Variants in PROM1 observed in about 807,000 individuals in gnomAD.
The protein encoded by PROM1 is prominin-1.
PROM1 carries 105 observed loss-of-function variants against 116.9 expected under a neutral mutation model. The observed-to-expected ratio is 0.90, with a 90% CI of 0.77 to 1.06. The LOEUF (loss-of-function observed/expected upper bound fraction) is 1.06, where lower values mean the gene tolerates loss of function less well. PROM1 is among the 50% of genes least tolerant of loss of function. PROM1 has a pLI of 0.00. For missense variants in PROM1, 1,122 were observed against 1,045.2 expected (o/e 1.07, Z -1.01); for synonymous variants, 393 against 387.0 (o/e 1.02, Z -0.18).
intron 2 of PROM1, among the ~76,000 whole-genome samples, chr4:16,050,143 C>T (rs781264488): frequency 4.0e-5 from 6 of 151,852 alleles, no homozygotes; most frequent in Non-Finnish European, 7.4e-5. Context: ...CACCTATAAT[C>T]CCAGCTACTC....
chr4:16,042,094 G>T (rs564290145), intron 2 of PROM1, among the ~76,000 whole-genome samples: 36 of 152,216 alleles, frequency 2.4e-4, no homozygotes, highest in Admixed American at 1.2e-3. Flanking sequence ...GGTTACAGGC[G>T]TGAGCCACCG....
At chr4:15,995,958 T>C in intron 15 of PROM1, among the ~76,000 whole-genome samples, 1 of 152,266 alleles carries the variant, frequency 6.6e-6, no homozygotes, top group Non-Finnish European at 1.5e-5. Context: ...GGTATACCGT[T>C]ACCACAGGTG....
chr4:16,013,621 T>G (rs1350740204), intron 10 of PROM1, among the ~76,000 whole-genome samples: 1 of 152,184 alleles, frequency 6.6e-6, no homozygotes. Flanking sequence ...TAGGTACTAT[T>G]ATGGGTACAT....
At chr4:16,054,396 T>C (rs187796636) in intron 2 of PROM1, among the ~76,000 whole-genome samples, 312 of 152,272 alleles carry the variant, frequency 2.0e-3, no homozygotes, top group Non-Finnish European at 3.2e-3. Context: ...CAAACACATA[T>C]CTTGATTTGT....
At chr4:15,995,326 G>A (rs1460870660) in intron 15 of PROM1, among the ~76,000 whole-genome samples, 6 of 86,184 alleles carry the variant, frequency 7.0e-5, no homozygotes, top group African/African-American at 2.2e-4. Context: ...AAAAGAAGAA[G>A]AAGACGAAGA....
intron 19 of PROM1, among the ~76,000 whole-genome samples, chr4:15,988,418 T>C (rs1016836113): frequency 7.5e-4 from 114 of 152,378 alleles, no homozygotes; most frequent in African/African-American, 2.5e-3. Flanking sequence ...GTAAACACTT[T>C]AGGTTTTATC....
intron 2 of PROM1, among the ~76,000 whole-genome samples, chr4:16,067,307 C>A (rs142647440): frequency 6.6e-6 from 1 of 152,134 alleles, no homozygotes; most frequent in African/African-American, 2.4e-5. Context: ...TCCTCATCAG[C>A]GAAAGAAAAG....
intron 2 of PROM1, among the ~76,000 whole-genome samples, chr4:16,051,210 A>G (rs551454616): frequency 7.1e-4 from 108 of 152,372 alleles, no homozygotes; most frequent in African/African-American, 2.4e-3. Flanking sequence ...ACAACATGAC[A>G]GGCTGAAGGA....
At chr4:16,024,433 A>G (rs1398103478) in intron 6 of PROM1, 75 bp from the exon 7 acceptor site, 1 of 1,255,890 alleles carries the variant, frequency 8.0e-7, no homozygotes, top group South Asian at 1.4e-5. Flanking sequence ...GAGATTTAAT[A>G]TACAAAAGTT....
At chr4:15,977,584 A>G (rs1035076506) in intron 26 of PROM1, among the ~76,000 whole-genome samples, 7 of 152,128 alleles carry the variant, frequency 4.6e-5, no homozygotes, top group Admixed American at 2.6e-4. Flanking sequence ...GATGAAGTCA[A>G]TTTGCCATTT....
At position 16,046,245 on chromosome 4, in the gene PROM1, T is replaced by C. The variant is rs1030366478; in HGVS notation, c.221-7244A>G. 2.0e-5 allele frequency among the ~76,000 whole-genome samples: 3 copies of C among 152,292 alleles called. No individual in the cohort carries two copies. The East Asian group carries it at 5.8e-4, about 29-fold the overall frequency. ...GTTGGTGAAAATATAAACATTTACA[T>C]GGTTTATATGTGGCCACCAGCACTT... On this transcript the variant is annotated intron_variant, in intron 2 of 27. Transcript: ENST00000447510.
At chr4:15,987,077 G>A (rs926318688) in intron 20 of PROM1, among the ~76,000 whole-genome samples, 10 of 152,222 alleles carry the variant, frequency 6.6e-5, no homozygotes, top group South Asian at 2.1e-4. Context: ...TTCCCAGAGC[G>A]TGGAGTATAC....
intron 6 of PROM1, 23 bp downstream of exon 6, chr4:16,025,169 T>A (rs1730927281): frequency 6.2e-7 from 1 of 1,609,902 alleles, no homozygotes; most frequent in South Asian, 1.1e-5. Flanking sequence ...AGCATCGCGG[T>A]ACATAGAGAT....
chr4:16,006,061 T>G (rs1725388462), intron 13 of PROM1, among the ~76,000 whole-genome samples: 1 of 152,228 alleles, frequency 6.6e-6, no homozygotes, highest in Non-Finnish European at 1.5e-5. Flanking sequence ...GTCTAAATCC[T>G]AAGGGTTCTG....
rs56221717 is a variant in PROM1 at position 15,991,934 on chromosome 4, C to CAA, written c.1911+312_1911+313dup. Reference sequence around the variant, plus strand: ...CTGGTGACAGAGCGAGACTCCGTCTCAAAAAAAAAAAAAAAAAAAAAAAAA... The same window carrying CAA: ...CTGGTGACAGAGCGAGACTCCGTCTCAAAAAAAAAAAAAAAAAAAAAAAAAAA... On this transcript the variant is annotated intron_variant, in intron 17 of 27. Coordinates refer to ENST00000447510, the MANE Select transcript of PROM1 (RefSeq NM_006017.3). Among the ~76,000 whole-genome samples, 44 of 55,334 alleles carry CAA rather than the reference C, an allele frequency of 8.0e-4. 2 individuals are homozygous for CAA. The highest frequency in any genetic ancestry group is 2.8e-3 in the African/African-American group (36 of 13,058). 36.3% of individuals were successfully genotyped at this position (55,334 alleles called of 152,430 possible).
intron 5 of PROM1, among the ~76,000 whole-genome samples, chr4:16,028,184 A>G (rs974838459): frequency 1.3e-5 from 2 of 152,200 alleles, no homozygotes; most frequent in African/African-American, 4.8e-5. Flanking sequence ...TCTACTAAGT[A>G]TAATTATAGA....
chr4:15,982,142 CG>C (rs1192350694), intron 23 of PROM1, among the ~76,000 whole-genome samples: 5 of 152,234 alleles, frequency 3.3e-5, no homozygotes, highest in Non-Finnish European at 5.9e-5. Flanking sequence ...CAACTTCCTA[CG>C]TAAGTTCGAG....
At chr4:16,082,614 GC>G (rs1745250758) in intron 1 of PROM1, 1 of 152,344 alleles carries the variant, frequency 6.6e-6, no homozygotes, top group African/African-American at 2.4e-5. Flanking sequence ...AGAATGAGCG[GC>G]GGGGCGGGCG....
chr4:15,987,812 T>G, intron 19 of PROM1, 96 bp from the exon 20 acceptor site: 2 of 975,980 alleles, frequency 2.0e-6, no homozygotes, highest in Non-Finnish European at 3.2e-6. Flanking sequence ...CCATCAAATC[T>G]GTCTTTACAC....
Sources: allele counts gnomAD v4.1 joint callset (sites outside exome capture counted in the v4.1 genomes callset), GRCh38; gene constraint gnomAD v4.1.1; transcripts MANE v1.5; gene names NCBI Gene and HGNC (gene_info 2026-07-23, HGNC 2026-07-21).